DPP6: variants seen among roughly 807,000 people sequenced by gnomAD.
DPP6 encodes the protein A-type potassium channel modulatory protein DPP6.
Under a neutral mutation model 122.6 loss-of-function variants are expected in DPP6, and 69 were observed. The observed-to-expected ratio is 0.56, with a 90% CI of 0.46 to 0.69. The LOEUF (loss-of-function observed/expected upper bound fraction) is 0.69, where lower values mean the gene tolerates loss of function less well. Ranked by LOEUF, DPP6 falls within the 30% of genes least tolerant of loss-of-function variation. DPP6 has a pLI of 0.00. For synonymous variants in DPP6, 418 were observed against 433.1 expected (o/e 0.97, Z 0.43); for missense variants, 928 against 1,116.9 (o/e 0.83, Z 2.41).
At chr7:154,567,859 T>C (rs1830859984) in intron 5 of DPP6, among the ~76,000 whole-genome samples, 1 of 152,200 alleles carries the variant, frequency 6.6e-6, no homozygotes, top group South Asian at 2.1e-4. Context: ...GGGTATTGGT[T>C]TGTATGAAGA....
chr7:154,349,737 C>T (rs894194332), intron 1 of DPP6, among the ~76,000 whole-genome samples: 1 of 152,116 alleles, frequency 6.6e-6, no homozygotes, highest in African/African-American at 2.4e-5. Flanking sequence ...GCAGCACATC[C>T]AAACCGGACC....
chr7:154,596,407 G>A (rs980056449), intron 5 of DPP6, among the ~76,000 whole-genome samples: 3 of 152,228 alleles, frequency 2.0e-5, no homozygotes, highest in South Asian at 2.1e-4. Flanking sequence ...GCGGGAACAC[G>A]GGCAGTGTAT....
chr7:154,371,274 G>A lies in DPP6; in HGVS notation c.244-74940G>A, dbSNP rs567776910. Among the ~76,000 whole-genome samples the A allele has an allele frequency of 3.3e-5, 5 of 150,938 alleles. No individual in the cohort carries two copies. In the East Asian group the frequency reaches 9.8e-4, roughly 30 times the overall value. On this transcript the variant is annotated intron_variant, in intron 1 of 25. Coordinates refer to ENST00000377770, the MANE Select transcript of DPP6 (RefSeq NM_130797.4). Reference sequence around the variant, plus strand: ...GGCACCTATAATCCCAGCTACTCGGGAGGCTGAGGCAGAAGAATCACTTGA... The same window carrying A: ...GGCACCTATAATCCCAGCTACTCGGAAGGCTGAGGCAGAAGAATCACTTGA...
intron 1 of DPP6, among the ~76,000 whole-genome samples, chr7:154,441,361 T>G (rs1002470231): frequency 3.9e-5 from 6 of 152,218 alleles, no homozygotes; most frequent in African/African-American, 1.4e-4. Flanking sequence ...TAGCAATAAA[T>G]AGTAAATTAG....
chr7:154,424,457 C>G (rs1256312699), intron 1 of DPP6, among the ~76,000 whole-genome samples: 2 of 152,188 alleles, frequency 1.3e-5, no homozygotes, highest in African/African-American at 2.4e-5. Context: ...TCTTGGCTCA[C>G]GGCTCTTTCC....
intron 1 of DPP6, among the ~76,000 whole-genome samples, chr7:153,904,276 T>C (rs1169390222): frequency 6.6e-6 from 1 of 152,176 alleles, no homozygotes; most frequent in East Asian, 1.9e-4. Context: ...GGTCTCGAAC[T>C]CCTGAGCTCA....
intron 16 of DPP6, among the ~76,000 whole-genome samples, chr7:154,813,948 T>TGGGCTCACTGCAACCTC (rs1182638102): frequency 2.1e-5 from 3 of 145,048 alleles, no homozygotes; most frequent in Non-Finnish European, 4.5e-5. Context: ...TGACACAATC[T>TGGGCTCACTGCAACCTC]GGGCTCACTG....
At chr7:154,328,552 G>A (rs1808643049) in intron 1 of DPP6, among the ~76,000 whole-genome samples, 1 of 152,172 alleles carries the variant, frequency 6.6e-6, no homozygotes, top group Admixed American at 6.5e-5. Flanking sequence ...CTTGCCTGGT[G>A]TTGTCTAAAG....
intron 21 of DPP6, among the ~76,000 whole-genome samples, chr7:154,883,061 T>A (rs74620769): frequency 2.9e-4 from 17 of 58,344 alleles, no homozygotes; most frequent in South Asian, 1.1e-3. Context: ...GCTCACACAT[T>A]CACACACATG....
At chr7:153,760,384 T>G in the DPP6 span, among the ~76,000 whole-genome samples, 1 of 152,342 alleles carries the variant, frequency 6.6e-6, no homozygotes, top group Non-Finnish European at 1.5e-5. Flanking sequence ...CAATTTCAAT[T>G]GATCAAATGC....
chr7:154,621,318 A>G (rs1834637784), intron 5 of DPP6, among the ~76,000 whole-genome samples: 1 of 152,154 alleles, frequency 6.6e-6, no homozygotes, highest in Non-Finnish European at 1.5e-5. Flanking sequence ...TAGTTGACCG[A>G]GAGTCCTTTT....
rs1798932242 is a variant in DPP6, at chr7:154,197,539, GT to G, written c.243+144477del. Among the ~76,000 whole-genome samples, 4 of 152,234 alleles carry G rather than the reference GT, an allele frequency of 2.6e-5. No individual in the cohort carries two copies. In the South Asian group the frequency reaches 8.3e-4, roughly 32 times the overall value. On this transcript the variant is annotated intron_variant, in intron 1 of 25. Coordinates refer to ENST00000377770, the MANE Select transcript of DPP6 (RefSeq NM_130797.4). ...CTGATTTCGCTTTTGCAAACAAGAGGTAGTCCAGCTTGGAAGAACATCCAGC... is the reference window on the plus strand; with the variant it reads ...CTGATTTCGCTTTTGCAAACAAGAGGAGTCCAGCTTGGAAGAACATCCAGC...
intron 2 of DPP6, among the ~76,000 whole-genome samples, chr7:154,447,668 C>T (rs991040250): frequency 1.3e-5 from 2 of 152,036 alleles, no homozygotes; most frequent in Non-Finnish European, 2.9e-5. Context: ...AGATATAAAA[C>T]TCTTCAACAA....
At chr7:154,630,997 T>C (rs1835375229) in intron 5 of DPP6, among the ~76,000 whole-genome samples, 1 of 152,254 alleles carries the variant, frequency 6.6e-6, no homozygotes, top group Non-Finnish European at 1.5e-5. Context: ...AGAATGTATT[T>C]CATTTTCAAA....
chr7:154,411,121 A>G (rs1816560237), intron 1 of DPP6, among the ~76,000 whole-genome samples: 1 of 152,246 alleles, frequency 6.6e-6, no homozygotes, highest in Non-Finnish European at 1.5e-5. Flanking sequence ...CTTTATAAAG[A>G]AAAGACTCTT....
intron 7 of DPP6, among the ~76,000 whole-genome samples, chr7:154,678,249 G>T (rs1423569015): frequency 6.6e-6 from 1 of 152,174 alleles, no homozygotes; most frequent in African/African-American, 2.4e-5. Context: ...GCTGCAACCC[G>T]CAGCTCGGGT....
At chr7:154,699,847 A>G (rs186941430) in intron 7 of DPP6, among the ~76,000 whole-genome samples, 6 of 152,314 alleles carry the variant, frequency 3.9e-5, no homozygotes, top group South Asian at 4.1e-4. Context: ...AGTTCCATAA[A>G]GTCAGAACAG....
At chr7:154,853,890 T>C in intron 17 of DPP6, 63 bp downstream of exon 17, 1 of 1,601,994 alleles carries the variant, frequency 6.2e-7, no homozygotes, top group East Asian at 2.2e-5. Context: ...CAAAACACTC[T>C]ATGAGATCAG....
chr7:153,825,149 T>G, the DPP6 span, among the ~76,000 whole-genome samples: 2 of 152,194 alleles, frequency 1.3e-5, no homozygotes, highest in Non-Finnish European at 2.9e-5. Flanking sequence ...GGTCCTAAAT[T>G]TCTTGATACT....
Sources: allele counts gnomAD v4.1 joint callset (sites outside exome capture counted in the v4.1 genomes callset), GRCh38; gene constraint gnomAD v4.1.1; transcripts MANE v1.5; gene names NCBI Gene and HGNC (gene_info 2026-07-23, HGNC 2026-07-21).